RIMBP2: variants seen among roughly 807,000 people sequenced by gnomAD.
RIMBP2 encodes RIMS binding protein 2, also known as RIMS-binding protein 2.
A neutral mutation model predicts 118.6 loss-of-function variants in RIMBP2; 48 were observed. That is an observed-to-expected ratio of 0.40 (90% CI 0.32 to 0.51). The LOEUF (loss-of-function observed/expected upper bound fraction) is 0.51, where lower values mean the gene tolerates loss of function less well. Ranked by LOEUF, RIMBP2 falls within the 20% of genes least tolerant of loss-of-function variation. The pLI is 0.41. For missense variants in RIMBP2, 1,551 were observed against 1,768.3 expected (o/e 0.88, Z 2.20); for synonymous variants, 762 against 742.9 (o/e 1.03, Z -0.42).
chr12:130,557,910 G>T (rs116592470), intron 2 of RIMBP2, among the ~76,000 whole-genome samples: 1 of 152,040 alleles, frequency 6.6e-6, no homozygotes, highest in East Asian at 1.9e-4. Context: ...CTGTGGCTTC[G>T]GCAAGTTACT....
At position 130,549,644 on chromosome 12, in the gene RIMBP2, T is replaced by A. The variant is rs376963134; in HGVS notation, c.-216-31727A>T. Among the ~76,000 whole-genome samples the A allele has an allele frequency of 2.0e-4, 31 of 152,324 alleles. No homozygotes were observed. In the South Asian group the frequency reaches 6.4e-3, roughly 32 times the overall value. On this transcript the variant is annotated intron_variant, in intron 2 of 22. Coordinates refer to ENST00000690449, the MANE Select transcript of RIMBP2 (RefSeq NM_001393629.1). ...TCTTCCTGTGTTAGTTCGCTGAGGA[T>A]AATGGCCTCCAGCTCCTTCCATGTT...
chr12:130,549,143 C>T (rs1193851916), intron 2 of RIMBP2, among the ~76,000 whole-genome samples: 1 of 152,096 alleles, frequency 6.6e-6, no homozygotes, highest in African/African-American at 2.4e-5. Context: ...GGGAGGACTG[C>T]CTAATTCAAA....
intron 1 of RIMBP2, among the ~76,000 whole-genome samples, chr12:130,666,353 T>C (rs1255729241): frequency 6.6e-6 from 1 of 152,106 alleles, no homozygotes; most frequent in African/African-American, 2.4e-5. Flanking sequence ...GACTCTCTGT[T>C]TACCCACCAA....
intron 10 of RIMBP2, among the ~76,000 whole-genome samples, chr12:130,443,246 C>CAAA (rs59960598): frequency 0.05 from 5,738 of 115,132 alleles, 389 homozygotes; most frequent in African/African-American, 0.16. Context: ...AGTTGTGTGG[C>CAAA]AAAAAAAAAA....
chr12:130,692,885 G>GGA (rs2065385852), intron 1 of RIMBP2, among the ~76,000 whole-genome samples: 20 of 91,378 alleles, frequency 2.2e-4, no homozygotes, highest in East Asian at 1.3e-3. Flanking sequence ...GTAGGGTAGG[G>GGA]TAGGGTAGGA....
chr12:130,538,318 C>T (rs1207434836), intron 2 of RIMBP2, among the ~76,000 whole-genome samples: 1 of 139,172 alleles, frequency 7.2e-6, no homozygotes, highest in Non-Finnish European at 1.5e-5. Flanking sequence ...GAAAATTTGG[C>T]GATCTTGGGT....
chr12:130,574,274 TGGCGGTG>T (rs2057919395), intron 2 of RIMBP2, among the ~76,000 whole-genome samples: 2 of 151,274 alleles, frequency 1.3e-5, no homozygotes, highest in African/African-American at 4.9e-5. Context: ...GTTGGGGGGG[TGGCGGTG>T]GGCGGTGACA....
intron 2 of RIMBP2, among the ~76,000 whole-genome samples, chr12:130,524,216 A>G (rs2052504853): frequency 6.6e-6 from 1 of 152,130 alleles, no homozygotes; most frequent in South Asian, 2.1e-4. Flanking sequence ...GATCACATGA[A>G]TGCAATTAAT....
intron 22 of RIMBP2, chr12:130,398,246 C>T (rs945375825): frequency 2.0e-5 from 3 of 152,214 alleles, no homozygotes. Flanking sequence ...ACGACTTCAC[C>T]TCGCTTCCCT....
rs768729882 is a variant in RIMBP2 at position 130,428,189 on chromosome 12, T to A, written c.2402A>T (p.Asn801Ile). 6.2e-7 allele frequency: 1 copy of A among 1,609,528 alleles called. No homozygotes were observed. The highest frequency in any genetic ancestry group is 1.1e-5 in the South Asian group (1 of 89,982). The change falls in exon 15 of 23, where the codon AAT becomes ATT. Residue 801 changes from asparagine to isoleucine, a missense_variant. Physicochemically the swap from Asn to Ile is moderately radical, Grantham distance 149. This residue lies in a region of RIMBP2 where 1,038 missense variants were observed against 1,125.1 expected (regional missense o/e 0.92). Transcript: ENST00000690449. ...TCCCCAGCCACTCACCTTGAGGGCA[T>A]TGTGGGACGTGCCGCTGGGCCGCCT... is the stretch of plus-strand genomic sequence containing the variant. ...GRRRPSGTSH[N>I]ALKDCTDHRT...
At chr12:130,675,162 T>C (rs1231917222) in intron 1 of RIMBP2, among the ~76,000 whole-genome samples, 2 of 152,180 alleles carry the variant, frequency 1.3e-5, no homozygotes, top group African/African-American at 4.8e-5. Context: ...CGCCAGATAG[T>C]GGTTGAAGGA....
chr12:130,535,634 TAC>T (rs199965266), intron 2 of RIMBP2, among the ~76,000 whole-genome samples: 29 of 148,676 alleles, frequency 2.0e-4, no homozygotes, highest in Middle Eastern at 3.6e-3. Flanking sequence ...TCTATATATA[TAC>T]ACATAGATAT....
intron 1 of RIMBP2, among the ~76,000 whole-genome samples, chr12:130,638,011 G>A (rs781547947): frequency 2.0e-5 from 3 of 152,154 alleles, no homozygotes; most frequent in Non-Finnish European, 4.4e-5. Context: ...TCTGAACCCA[G>A]CCCCAGCTGC....
chr12:130,697,410 C>T (rs2065626993), intron 1 of RIMBP2, among the ~76,000 whole-genome samples: 1 of 152,174 alleles, frequency 6.6e-6, no homozygotes, highest in Non-Finnish European at 1.5e-5. Context: ...GTGGTCCCAG[C>T]TACTCGGGAG....
At chr12:130,406,271 G>C in intron 20 of RIMBP2, 28 bp from the exon 21 acceptor site, 1 of 1,484,412 alleles carries the variant, frequency 6.7e-7, no homozygotes, top group Non-Finnish European at 9.3e-7. Context: ...AAAATTAATC[G>C]TATTTTTCTA....
intron 2 of RIMBP2, among the ~76,000 whole-genome samples, chr12:130,535,938 T>G (rs1236628029): frequency 6.6e-6 from 1 of 151,534 alleles, no homozygotes; most frequent in African/African-American, 2.4e-5. Flanking sequence ...CACCACCATA[T>G]CCGCTGATTT....
chr12:130,613,970 G>A (rs1178414337), intron 2 of RIMBP2, among the ~76,000 whole-genome samples: 1 of 152,130 alleles, frequency 6.6e-6, no homozygotes, highest in Non-Finnish European at 1.5e-5. Flanking sequence ...GGTCCTTTCA[G>A]CCCTCATGCC....
intron 17 of RIMBP2, among the ~76,000 whole-genome samples, chr12:130,418,985 G>A (rs1003004316): frequency 3.9e-5 from 6 of 152,344 alleles, no homozygotes; most frequent in South Asian, 4.1e-4. Context: ...CAGGTGTGGG[G>A]TAGAGGTGGG....
chr12:130,443,306 G>A (rs116628445), intron 10 of RIMBP2, among the ~76,000 whole-genome samples: 83 of 151,722 alleles, frequency 5.5e-4, no homozygotes, highest in African/African-American at 1.9e-3. Context: ...AGTGGGGACC[G>A]CTGTATTTTG....
Sources: gnomAD v4.1 joint callset for allele counts (sites outside exome capture counted in the v4.1 genomes callset) on GRCh38, gnomAD v4.1.1 for gene constraint, gnomAD v4.1.1 regional missense constraint, MANE v1.5 for transcripts, NCBI Gene and HGNC (gene_info 2026-07-23, HGNC 2026-07-21) for gene names.